The following ZNF569 variants were observed in gnomAD, a reference collection of about 807,000 sequenced individuals.
The protein encoded by ZNF569 is zinc finger protein 569.
A neutral mutation model predicts 56.3 loss-of-function variants in ZNF569; 38 were observed. That is an observed-to-expected ratio of 0.68 (90% CI 0.52 to 0.88). ZNF569 has a LOEUF of 0.88. Among genes scored for constraint, ZNF569 ranks in the 40% least tolerant of loss-of-function variants. The pLI is 0.00. For synonymous variants in ZNF569, 241 were observed against 262.9 expected (o/e 0.92, Z 0.81); for missense variants, 666 against 809.2 (o/e 0.82, Z 2.15).
In ZNF569 at chr19:37,413,151, AGG is replaced by A; in HGVS notation, c.1505_1506del (p.Ala502ValfsTer21). 6.2e-7 allele frequency: 1 copy of A among 1,607,886 alleles called. No individual in the cohort carries two copies. Among genetic ancestry groups the A allele is most frequent in the Non-Finnish European group, 8.5e-7 (1 of 1,177,714 alleles). On this transcript the variant is annotated frameshift_variant, in exon 6 of 6. Coordinates refer to ENST00000316950, the MANE Select transcript of ZNF569 (RefSeq NM_152484.3). LOFTEE classifies it high-confidence loss of function. ...GTAATGAAGTTTTGCTTTTGGCTGAAGGCTTTACCACATTCATTGCATTCATA... is the reference window on the plus strand; with the variant it reads ...GTAATGAAGTTTTGCTTTTGGCTGAACTTTACCACATTCATTGCATTCATA... The part of the protein sequence containing the change: ...KPYECNECGK[A>X]FSQKQNFITH...
rs2041157576 is a variant in ZNF569 at position 37,427,703 on chromosome 19, GA to G, written c.16-1326del. On this transcript the variant is annotated intron_variant, in intron 3 of 5. Coordinates refer to ENST00000316950, the MANE Select transcript of ZNF569 (RefSeq NM_152484.3). ...GAAAGCCCTTCCTGCTGAAAATCATGATGCTTGCAATAAACATGTTCAAGAA... is the reference window on the plus strand; with the variant it reads ...GAAAGCCCTTCCTGCTGAAAATCATGTGCTTGCAATAAACATGTTCAAGAA... The G allele has an allele frequency of 1.1e-5, 5 of 446,650 alleles. No homozygotes were observed. In the Admixed American group the frequency reaches 1.2e-4, roughly 11 times the overall value. The allele number at this position is 446,650 out of a possible 1,614,324, so 27.7% of individuals were successfully genotyped here. A position where few individuals can be genotyped will look rare whatever the true frequency, so the allele number is the denominator to read the frequency against.
intron 5 of ZNF569, among the ~76,000 whole-genome samples, chr19:37,418,660 G>C (rs1247586491): frequency 2.0e-5 from 3 of 152,102 alleles, no homozygotes; most frequent in Non-Finnish European, 2.9e-5. Context: ...GAATGAACAG[G>C]GGCCCTAAAA....
chr19:37,441,998 A>G (rs2041415134), intron 3 of ZNF569, among the ~76,000 whole-genome samples: 1 of 152,224 alleles, frequency 6.6e-6, no homozygotes, highest in South Asian at 2.1e-4. Flanking sequence ...CAATTTGCTG[A>G]TTGAACTAAG....
chr19:37,426,066 ATG>A, intron 4 of ZNF569, 103 bp from the exon 5 acceptor site: 1 of 1,395,268 alleles, frequency 7.2e-7, no homozygotes, highest in African/African-American at 1.4e-5. Flanking sequence ...GGACAAGAAA[ATG>A]TGGCTTCGGG....
At chr19:37,420,508 A>G (rs2041017039) in intron 5 of ZNF569, among the ~76,000 whole-genome samples, 1 of 152,174 alleles carries the variant, frequency 6.6e-6, no homozygotes, top group Non-Finnish European at 1.5e-5. Context: ...CTTCACCAGG[A>G]GTAGATCCTA....
chr19:37,468,964 C>T, upstream of ZNF569: 1 of 799,662 alleles, frequency 1.3e-6, no homozygotes, highest in South Asian at 5.6e-5. Context: ...GCCACTAGCG[C>T]GTTCCCACGC....
At position 37,413,596 on chromosome 19, in the gene ZNF569, A is replaced by G. The variant is rs1009006638; in HGVS notation, c.1062T>C (p.Tyr354=). The change falls in exon 6 of 6, where the codon TAT becomes TAC. Residue 354 remains tyrosine (Y), a synonymous_variant. Coordinates refer to ENST00000316950, the MANE Select transcript of ZNF569 (RefSeq NM_152484.3). ...AGGCTTTACCACATTTATCACATTT[A>G]TAAGGTTTTTCTCCTGTATGACTTC... The part of the protein sequence containing the change: ...HMRSHTGEKP[Y]KCDKCGKAFS... 1 of 1,613,784 alleles carries G rather than the reference A, an allele frequency of 6.2e-7. No homozygotes were observed. Among genetic ancestry groups the G allele is most frequent in the Non-Finnish European group, 8.5e-7 (1 of 1,179,926 alleles).
At chr19:37,446,827 A>T (rs1210719493) in intron 2 of ZNF569, among the ~76,000 whole-genome samples, 1 of 152,196 alleles carries the variant, frequency 6.6e-6, no homozygotes, top group African/African-American at 2.4e-5. Flanking sequence ...AACAACCCAC[A>T]GAATGGGAGA....
At chr19:37,465,230 C>T (rs2041812076) in intron 2 of ZNF569, 83 bp downstream of exon 2, 1 of 152,248 alleles carries the variant, frequency 6.6e-6, no homozygotes. Flanking sequence ...AGACTCCTAT[C>T]TCTAGTTCTA....
At chr19:37,426,079 G>A in intron 4 of ZNF569, 116 bp from the exon 5 acceptor site, 3 of 1,326,950 alleles carry the variant, frequency 2.3e-6, no homozygotes, top group East Asian at 2.3e-5. Context: ...TGGCTTCGGG[G>A]GTTCTGTCCC....
intron 3 of ZNF569, among the ~76,000 whole-genome samples, chr19:37,439,524 T>C (rs1433748827): frequency 1.3e-5 from 2 of 152,198 alleles, no homozygotes; most frequent in African/African-American, 4.8e-5. Flanking sequence ...AATAGAACTA[T>C]GATATAATCC....
In ZNF569 at chr19:37,413,086, A is replaced by G. The variant is rs763242908; in HGVS notation, c.1572T>C (p.Cys524=). The G allele has an allele frequency of 1.2e-6, 2 of 1,613,804 alleles. No individual in the cohort carries two copies. The highest frequency in any genetic ancestry group is 4.5e-5 in the East Asian group (2 of 44,874). ...KVHTGEKPYD[C]NECGKAFSQI... Reference sequence around the variant, plus strand: ...GAGAGAAGGCTTTACCACATTCATTACAATCATAAGGTTTCTCTCCAGTAT... The same window carrying G: ...GAGAGAAGGCTTTACCACATTCATTGCAATCATAAGGTTTCTCTCCAGTAT... Residue 524 remains cysteine (C), a synonymous_variant, in exon 6 of 6, where the codon TGT becomes TGC. Transcript: ENST00000316950.
At chr19:37,468,671 A>G (rs1364679478), upstream of ZNF569, among the ~76,000 whole-genome samples, 1 of 152,000 alleles carries the variant, frequency 6.6e-6, no homozygotes, top group Non-Finnish European at 1.5e-5. Context: ...ACGCCCGGCT[A>G]ATTTTTTTGT....
At chr19:37,430,562 C>T (rs1032128225) in intron 3 of ZNF569, among the ~76,000 whole-genome samples, 1 of 150,120 alleles carries the variant, frequency 6.7e-6, no homozygotes, top group Non-Finnish European at 1.5e-5. Context: ...AGCAATGGGA[C>T]AACATATTCA....
At chr19:37,437,334 A>G (rs968856345) in intron 3 of ZNF569, among the ~76,000 whole-genome samples, 8 of 152,332 alleles carry the variant, frequency 5.3e-5, no homozygotes, top group East Asian at 1.9e-4. Context: ...ACATACCTCA[A>G]TACAATAAAA....
In ZNF569 at chr19:37,426,351, T is replaced by C; in HGVS notation, c.43A>G (p.Ile15Val). The change falls in exon 4 of 6, where the codon ATC (isoleucine) becomes GTC (valine). Residue 15 changes from isoleucine to valine, a missense_variant. Ile to Val is a conservative substitution (Grantham distance 29). Transcript: ENST00000316950. The stretch of plus-strand genomic sequence containing the variant: ...TTCCACTCCTCCTGAGTGAAGTCGA[T>C]AGCCACATCTTTGAATGTTACTGTT... ...QGTVTFKDVA[I>V]DFTQEEWKRL... is the part of the protein sequence containing the mutation. The C allele has an allele frequency of 1.2e-6, 2 of 1,612,304 alleles. No homozygotes were observed. Among genetic ancestry groups the C allele is most frequent in the Admixed American group, 1.7e-5 (1 of 59,574 alleles).
intron 3 of ZNF569, 66 bp from the exon 4 acceptor site, chr19:37,426,444 T>C (rs929870673): frequency 2.0e-6 from 3 of 1,481,086 alleles, no homozygotes; most frequent in Non-Finnish European, 2.7e-6. Flanking sequence ...CAAAATATAT[T>C]GAACCTTGTT....
chr19:37,436,107 TA>T (rs980225938), intron 3 of ZNF569, among the ~76,000 whole-genome samples: 134 of 152,234 alleles, frequency 8.8e-4, no homozygotes, highest in African/African-American at 3.2e-3. Flanking sequence ...AAACCAGTCT[TA>T]AAACATTCAA....
chr19:37,457,077 C>A (rs1271625597), intron 2 of ZNF569, among the ~76,000 whole-genome samples: 3 of 151,590 alleles, frequency 2.0e-5, no homozygotes, highest in Non-Finnish European at 4.4e-5. Flanking sequence ...AGCATTGCCA[C>A]ATTTTTCTAC....
Sources: allele counts gnomAD v4.1 joint callset (sites outside exome capture counted in the v4.1 genomes callset), GRCh38; gene constraint gnomAD v4.1.1; transcripts MANE v1.5; gene names NCBI Gene and HGNC (gene_info 2026-07-23, HGNC 2026-07-21).